The following BTG2 variants were observed in gnomAD, a reference collection of about 807,000 sequenced individuals.
BTG2 encodes BTG anti-proliferation factor 2.
In BTG2, 9 loss-of-function variants were observed where a neutral mutation model predicts 13.1. That is an observed-to-expected ratio of 0.69 (90% CI 0.41 to 1.20). BTG2 has a LOEUF of 1.20. BTG2 is among the 50% of genes most tolerant of loss of function. BTG2 has a pLI of 0.00. For synonymous variants in BTG2, 92 were observed against 88.6 expected, an observed-to-expected ratio of 1.04 and a Z score of -0.21; for missense variants, 200 against 209.5, an observed-to-expected ratio of 0.95 and a Z score of 0.28.
At chr1:203,306,284 G>A (rs185910653) in intron 1 of BTG2, among the ~76,000 whole-genome samples, 1 of 152,232 alleles carries the variant, frequency 6.6e-6, no homozygotes, top group East Asian at 1.9e-4. Flanking sequence ...GTTATCTTTG[G>A]TTCCCCTTAG....
At chr1:203,305,786 C>T in intron 1 of BTG2, 38 bp downstream of exon 1, 2 of 1,529,570 alleles carry the variant, frequency 1.3e-6, no homozygotes, top group South Asian at 2.4e-5. Context: ...CACCGGGGGT[C>T]GGCCCCATCC....
chr1:203,305,573 C>T lies in BTG2; in HGVS notation c.-34C>T, dbSNP rs1210529737. On this transcript the variant is annotated 5_prime_UTR_variant, in exon 1 of 2. Coordinates refer to ENST00000290551, the MANE Select transcript of BTG2 (RefSeq NM_006763.3). Reference sequence around the variant, plus strand: ...GTCTTGTGGACCCGCACTTCCCACCCGAGACCTCTCACTGAGCCCGAGCCG... The same window carrying T: ...GTCTTGTGGACCCGCACTTCCCACCTGAGACCTCTCACTGAGCCCGAGCCG... 6.3e-7 allele frequency: 1 copy of T among 1,592,018 alleles called. No homozygotes were observed. Among genetic ancestry groups the T allele is most frequent in the South Asian group, 1.1e-5 (1 of 88,282 alleles).
intron 1 of BTG2, among the ~76,000 whole-genome samples, chr1:203,306,869 C>A (rs1658291130): frequency 7.3e-6 from 1 of 137,892 alleles, no homozygotes; most frequent in African/African-American, 3.0e-5. Context: ...CACACACACA[C>A]ACACACTCTC....
chr1:203,305,979 T>C (rs2102284062), intron 1 of BTG2, among the ~76,000 whole-genome samples: 1 of 152,006 alleles, frequency 6.6e-6, no homozygotes, highest in South Asian at 2.1e-4. Flanking sequence ...CCCTCTACGC[T>C]CTCGGAGGCG....
At chr1:203,305,974 T>A (rs1017123105) in intron 1 of BTG2, among the ~76,000 whole-genome samples, 1 of 152,176 alleles carries the variant, frequency 6.6e-6, no homozygotes, top group Admixed American at 6.5e-5. Flanking sequence ...CGCGCCCCTC[T>A]ACGCTCTCGG....
chr1:203,307,483 T>A lies in BTG2; in HGVS notation c.*45T>A. 1.3e-6 allele frequency: 2 copies of A among 1,490,430 alleles called. No homozygotes were observed. Among genetic ancestry groups the A allele is most frequent in the Non-Finnish European group, 1.8e-6 (2 of 1,102,700 alleles). 92.3% of individuals were successfully genotyped at this position (1,490,430 alleles called of 1,614,324 possible). A position where few individuals can be genotyped will look rare whatever the true frequency, so the allele number is the denominator to read the frequency against. On this transcript the variant is annotated 3_prime_UTR_variant, in exon 2 of 2. Coordinates refer to ENST00000290551, the MANE Select transcript of BTG2 (RefSeq NM_006763.3). ...GGGCGCCGCCGTGCTCATGCTGCCG[T>A]GACAACAGGCCACCACATACCTCAA... is the stretch of plus-strand genomic sequence containing the variant.
Position 203,307,715 on chromosome 1 carries a change from AG to A in BTG2, c.*282del. 4.1e-6 allele frequency: 1 copy of A among 243,314 alleles called. No individual in the cohort carries two copies. The highest frequency in any genetic ancestry group is 7.8e-6 in the Non-Finnish European group (1 of 129,012). The allele number at this position is 243,314 out of a possible 1,614,324, so 15.1% of individuals were successfully genotyped here. On this transcript the variant is annotated 3_prime_UTR_variant, in exon 2 of 2. Transcript: ENST00000290551. ...TCTGCCTATAGGAGGGGGAGCTGTT[AG>A]GGGGTAGACCTAGCCAAGGAGAAGT... is the stretch of plus-strand genomic sequence containing the variant.
intron 1 of BTG2, among the ~76,000 whole-genome samples, chr1:203,306,830 T>TCA (rs1220050362): frequency 3.7e-5 from 5 of 136,516 alleles, no homozygotes; most frequent in Admixed American, 2.3e-4. Context: ...ACTCTCTCTC[T>TCA]CACACACACA....
Position 203,307,666 on chromosome 1 carries a change from C to G in BTG2, c.*228C>G, listed in dbSNP as rs995631283. 1.8e-5 allele frequency: 6 copies of G among 340,774 alleles called. No individual in the cohort carries two copies. Among genetic ancestry groups the G allele is most frequent in the Non-Finnish European group, 2.6e-5 (5 of 192,164 alleles). The allele number at this position is 340,774 out of a possible 1,614,324, so 21.1% of individuals were successfully genotyped here. A position where few individuals can be genotyped will look rare whatever the true frequency, so the allele number is the denominator to read the frequency against. Reference sequence around the variant, plus strand: ...CAGGTGCCTTTGGAGAGAACTGTTGCGTGCTTGAGTCTGTGAGCCAGTGTC... The same window carrying G: ...CAGGTGCCTTTGGAGAGAACTGTTGGGTGCTTGAGTCTGTGAGCCAGTGTC... On this transcript the variant is annotated 3_prime_UTR_variant, in exon 2 of 2. Coordinates refer to ENST00000290551, the MANE Select transcript of BTG2 (RefSeq NM_006763.3).
intron 1 of BTG2, among the ~76,000 whole-genome samples, chr1:203,306,043 A>T (rs1658254689): frequency 6.6e-6 from 1 of 152,040 alleles, no homozygotes; most frequent in African/African-American, 2.4e-5. Flanking sequence ...CCCCTGTCTC[A>T]TTACGGGCTC....
intron 1 of BTG2, 98 bp downstream of exon 1, chr1:203,305,846 G>C (rs1057356106): frequency 1.4e-6 from 2 of 1,466,484 alleles, no homozygotes; most frequent in Middle Eastern, 2.4e-4. Context: ...ACCCACGGGA[G>C]CAGCTTTGGG....
intron 1 of BTG2, 90 bp from the exon 2 acceptor site, chr1:203,307,014 C>G: frequency 8.7e-7 from 1 of 1,146,090 alleles, no homozygotes; most frequent in Non-Finnish European, 1.3e-6. Flanking sequence ...TTCTCTCCTC[C>G]TGTCCCTTGA....
chr1:203,306,802 A>G lies in BTG2; in HGVS notation c.143-302A>G, dbSNP rs58982968. Among the ~76,000 whole-genome samples the G allele has an allele frequency of 4.3e-3, 270 of 62,512 alleles. 8 individuals are homozygous for G. The East Asian group carries it at 0.073, about 17-fold the overall frequency. The allele number at this position is 62,512 out of a possible 152,430, so 41.0% of individuals were successfully genotyped here. Reference sequence around the variant, plus strand: ...GCTCTAGAATCCCCTCCCAACACGCACACACACACACACACACACTCTCTC... The same window carrying G: ...GCTCTAGAATCCCCTCCCAACACGCGCACACACACACACACACACTCTCTC... On this transcript the variant is annotated intron_variant, in intron 1 of 1. Coordinates refer to ENST00000290551, the MANE Select transcript of BTG2 (RefSeq NM_006763.3).
In BTG2 at chr1:203,307,152, GC is replaced by G. The variant is rs748168777; in HGVS notation, c.192del (p.Tyr65ThrfsTer36). The G allele has an allele frequency of 1.2e-6, 2 of 1,614,180 alleles. No individual in the cohort carries two copies. Among genetic ancestry groups the G allele is most frequent in the East Asian group, 4.5e-5 (2 of 44,882 alleles). On this transcript the variant is annotated frameshift_variant, in exon 2 of 2. Coordinates refer to ENST00000290551, the MANE Select transcript of BTG2 (RefSeq NM_006763.3). LOFTEE classifies it high-confidence loss of function. ...WFPEKPSKGS[G>X]YRCIRINHKM... Reference sequence around the variant, plus strand: ...CCCGAAAAGCCGTCCAAGGGCTCCGGCTACCGCTGCATTCGCATCAACCACA... The same window carrying G: ...CCCGAAAAGCCGTCCAAGGGCTCCGGTACCGCTGCATTCGCATCAACCACA...
intron 1 of BTG2, among the ~76,000 whole-genome samples, chr1:203,305,977 G>C: frequency 6.6e-6 from 1 of 152,234 alleles, no homozygotes; most frequent in Non-Finnish European, 1.5e-5. Flanking sequence ...GCCCCTCTAC[G>C]CTCTCGGAGG....
rs1317370871 is a variant in BTG2 at position 203,305,681 on chromosome 1, G to A, written c.75G>A (p.Arg25=). 2 of 1,566,052 alleles carry A rather than the reference G, an allele frequency of 1.3e-6. No individual in the cohort carries two copies. The highest frequency in any genetic ancestry group is 1.7e-6 in the Non-Finnish European group (2 of 1,155,480). Residue 25 remains arginine, a synonymous_variant, in exon 1 of 2, where the codon AGG becomes AGA. Coordinates refer to ENST00000290551, the MANE Select transcript of BTG2 (RefSeq NM_006763.3). The part of the protein sequence containing the change: ...AAVGFLSSLL[R]TRGCVSEQRL... ...TGGGCTTCCTCTCCAGCCTCCTGAG[G>A]ACCCGGGGCTGCGTGAGCGAGCAGA...
In BTG2 at chr1:203,308,808, G is replaced by C. The variant is rs1658330882; in HGVS notation, c.*1370G>C. On this transcript the variant is annotated 3_prime_UTR_variant, in exon 2 of 2. Coordinates refer to ENST00000290551, the MANE Select transcript of BTG2 (RefSeq NM_006763.3). ...TACAATCCAAATTTGTCGTAGACTT[G>C]TGCAATATATACTGTTGTGGGTTGG... 1 of 152,664 alleles carries C rather than the reference G, an allele frequency of 6.6e-6. No individual in the cohort carries two copies. The allele number at this position is 152,664 out of a possible 1,614,324, so 9.5% of individuals were successfully genotyped here.
intron 1 of BTG2, among the ~76,000 whole-genome samples, chr1:203,306,062 C>T (rs1658255452): frequency 6.6e-6 from 1 of 152,178 alleles, no homozygotes; most frequent in African/African-American, 2.4e-5. Context: ...TCGTCTCCCT[C>T]GCTGGACCCT....
rs1417914540 is a variant in BTG2 at position 203,309,542 on chromosome 1, G to A, written c.*2104G>A. 6.6e-6 allele frequency: 1 copy of A among 152,652 alleles called. No individual in the cohort carries two copies. The highest frequency in any genetic ancestry group is 1.5e-5 in the Non-Finnish European group (1 of 68,040). The allele number at this position is 152,652 out of a possible 1,614,324, so 9.5% of individuals were successfully genotyped here. On this transcript the variant is annotated 3_prime_UTR_variant, in exon 2 of 2. Coordinates refer to ENST00000290551, the MANE Select transcript of BTG2 (RefSeq NM_006763.3). ...TGATAGTGTTTTTATATGGAAGAAT[G>A]TACAGCTTATGGACAAATGTACACC...
Sources: gnomAD v4.1 joint callset for allele counts (sites outside exome capture counted in the v4.1 genomes callset) on GRCh38, gnomAD v4.1.1 for gene constraint, MANE v1.5 for transcripts, NCBI Gene and HGNC (gene_info 2026-07-23, HGNC 2026-07-21) for gene names.